The following TBC1D14 variants were observed in gnomAD, a reference collection of about 807,000 sequenced individuals.
The protein encoded by TBC1D14 is TBC1 domain family member 14, also known as TBC1 domain family, member 14.
A neutral mutation model predicts 79.0 loss-of-function variants in TBC1D14; 26 were observed. That is an observed-to-expected ratio of 0.33 (90% CI 0.24 to 0.46). The LOEUF is 0.46. Among genes scored for constraint, TBC1D14 ranks in the 20% least tolerant of loss-of-function variants. The pLI is 1.00. For missense variants in TBC1D14, 769 were observed against 887.6 expected (o/e 0.87, Z 1.70); for synonymous variants, 394 against 349.9 (o/e 1.13, Z -1.40).
chr4:7,032,436 C>T lies in TBC1D14; in HGVS notation c.*2044C>T, dbSNP rs1723148361. 1 of 152,706 alleles carries T rather than the reference C, an allele frequency of 6.5e-6. No homozygotes were observed. The highest frequency in any genetic ancestry group is 1.5e-5 in the Non-Finnish European group (1 of 68,084). The allele number at this position is 152,706 out of a possible 1,614,324, so 9.5% of individuals were successfully genotyped here. A position where few individuals can be genotyped will look rare whatever the true frequency, so the allele number is the denominator to read the frequency against. ...GATTGCCCCTGGGGATCTTCTGTGT[C>T]TTCAGCGCCCAGCCCTGCGTGTTCC... On this transcript the variant is annotated 3_prime_UTR_variant, in exon 14 of 14. Coordinates refer to ENST00000409757, the MANE Select transcript of TBC1D14 (RefSeq NM_020773.3).
At chr4:6,948,543 C>T (rs993605849) in intron 2 of TBC1D14, among the ~76,000 whole-genome samples, 17 of 151,552 alleles carry the variant, frequency 1.1e-4, no homozygotes, top group African/African-American at 4.2e-4. Flanking sequence ...GGTGTTCTCA[C>T]GGATGTCACT....
chr4:7,017,813 C>T (rs566029737), intron 12 of TBC1D14, among the ~76,000 whole-genome samples: 1 of 152,190 alleles, frequency 6.6e-6, no homozygotes, highest in Non-Finnish European at 1.5e-5. Flanking sequence ...TTGAACTAAG[C>T]ACAGGAAAGC....
At chr4:7,026,226 C>T (rs73796405) in intron 13 of TBC1D14, among the ~76,000 whole-genome samples, 153 of 152,114 alleles carry the variant, frequency 1.0e-3, no homozygotes, top group African/African-American at 3.5e-3. Flanking sequence ...CACCCCCACA[C>T]GCCTGCTCTG....
At chr4:6,932,290 G>T (rs1477161924) in intron 2 of TBC1D14, among the ~76,000 whole-genome samples, 2 of 151,756 alleles carry the variant, frequency 1.3e-5, no homozygotes, top group African/African-American at 4.8e-5. Context: ...AACCATTCGG[G>T]CTTGAACCCT....
At chr4:6,999,052 T>A in intron 5 of TBC1D14, 33 bp from the exon 6 acceptor site, 1 of 1,600,666 alleles carries the variant, frequency 6.2e-7, no homozygotes. Flanking sequence ...TATCAGTTAG[T>A]AGATTGTTGT....
chr4:7,002,793 G>A (rs1045427795), intron 7 of TBC1D14, among the ~76,000 whole-genome samples: 1 of 152,212 alleles, frequency 6.6e-6, no homozygotes, highest in Non-Finnish European at 1.5e-5. Context: ...CCAAGCCAGT[G>A]TAAGAACACA....
intron 11 of TBC1D14, among the ~76,000 whole-genome samples, chr4:7,013,435 A>G (rs1373226199): frequency 1.3e-5 from 2 of 152,202 alleles, no homozygotes; most frequent in Non-Finnish European, 2.9e-5. Flanking sequence ...TGAGCACTGG[A>G]GCAGAACTGG....
At chr4:6,975,843 A>G (rs1221287372) in intron 3 of TBC1D14, among the ~76,000 whole-genome samples, 12 of 152,192 alleles carry the variant, frequency 7.9e-5, no homozygotes, top group African/African-American at 2.4e-4. Context: ...CTGTAATCCC[A>G]GCACTTTGGG....
At chr4:6,964,394 C>T (rs960621069) in intron 2 of TBC1D14, among the ~76,000 whole-genome samples, 5 of 152,152 alleles carry the variant, frequency 3.3e-5, no homozygotes, top group African/African-American at 9.7e-5. Flanking sequence ...AGGCCTGTCC[C>T]GGATCCTGGT....
intron 5 of TBC1D14, chr4:6,996,967 A>G (rs1234116357): frequency 6.6e-6 from 1 of 152,264 alleles, no homozygotes; most frequent in East Asian, 1.9e-4. Context: ...AATTCCTTGC[A>G]ACACTTAAAC....
chr4:7,018,440 A>G (rs563127649), intron 12 of TBC1D14, among the ~76,000 whole-genome samples: 6 of 152,184 alleles, frequency 3.9e-5, no homozygotes, highest in Admixed American at 2.0e-4. Flanking sequence ...CCACCGCCCC[A>G]GCTCCACCCA....
intron 12 of TBC1D14, among the ~76,000 whole-genome samples, chr4:7,022,603 C>T (rs546766685): frequency 2.0e-5 from 3 of 152,256 alleles, no homozygotes; most frequent in South Asian, 2.1e-4. Flanking sequence ...CAGTGAGTAG[C>T]CAGGCATGGT....
intron 2 of TBC1D14, among the ~76,000 whole-genome samples, chr4:6,935,405 C>T (rs1450356223): frequency 6.6e-6 from 1 of 152,102 alleles, no homozygotes; most frequent in Non-Finnish European, 1.5e-5. Context: ...TAGAGTTCAA[C>T]AGAGAAGTGG....
intron 7 of TBC1D14, among the ~76,000 whole-genome samples, 160 bp from the exon 8 acceptor site, chr4:7,004,684 C>T (rs1290664282): frequency 6.6e-6 from 1 of 152,174 alleles, no homozygotes. Context: ...AAATTACTTT[C>T]AGGCCAAGTT....
At chr4:6,935,795 C>T (rs1229792821) in intron 2 of TBC1D14, among the ~76,000 whole-genome samples, 1 of 151,924 alleles carries the variant, frequency 6.6e-6, no homozygotes, top group Non-Finnish European at 1.5e-5. Flanking sequence ...AGGCATGTGC[C>T]ACCACACCCA....
intron 3 of TBC1D14, among the ~76,000 whole-genome samples, chr4:6,983,606 C>T (rs1236188264): frequency 2.6e-5 from 4 of 152,200 alleles, no homozygotes; most frequent in Admixed American, 2.6e-4. Context: ...CATAAAATGT[C>T]TAATCCCCAT....
intron 2 of TBC1D14, among the ~76,000 whole-genome samples, chr4:6,939,957 C>A (rs1712744816): frequency 6.6e-6 from 1 of 152,226 alleles, no homozygotes; most frequent in South Asian, 2.1e-4. Context: ...TCACGACCTA[C>A]ACCAGGCTCC....
chr4:7,010,281 C>T (rs560472932), intron 10 of TBC1D14, among the ~76,000 whole-genome samples: 3 of 152,264 alleles, frequency 2.0e-5, no homozygotes, highest in African/African-American at 4.8e-5. Context: ...TGTGGCTTCG[C>T]GGATGTGTGT....
chr4:6,917,456 C>CT (rs1723493908), intron 1 of TBC1D14, among the ~76,000 whole-genome samples: 1 of 152,062 alleles, frequency 6.6e-6, no homozygotes, highest in Non-Finnish European at 1.5e-5. Flanking sequence ...GCAGGGAAGG[C>CT]TTTTCAGAGG....
Sources: allele counts gnomAD v4.1 joint callset (sites outside exome capture counted in the v4.1 genomes callset), GRCh38; gene constraint gnomAD v4.1.1; transcripts MANE v1.5; gene names NCBI Gene and HGNC (gene_info 2026-07-23, HGNC 2026-07-21).